The following PEX3 variants were observed in gnomAD, a reference collection of about 807,000 sequenced individuals.
PEX3 encodes peroxisomal biogenesis factor 3.
Under a neutral mutation model 55.8 loss-of-function variants are expected in PEX3, and 30 were observed. The ratio of observed to expected loss-of-function variants is 0.54; its 90% CI spans 0.40 to 0.73. PEX3 has a LOEUF of 0.73. PEX3 is among the 30% of genes least tolerant of loss of function. The pLI is 0.00. For missense variants in PEX3, 351 were observed against 432.8 expected (o/e 0.81, Z 1.68); for synonymous variants, 135 against 148.4 (o/e 0.91, Z 0.66).
In PEX3 at chr6:143,468,023, T is replaced by C. The variant is rs970348157; in HGVS notation, c.288-99T>C. 6 of 716,736 alleles carry C rather than the reference T, an allele frequency of 8.4e-6. No individual in the cohort carries two copies. The African/African-American group carries it at 9.0e-5, about 11-fold the overall frequency. 44.4% of individuals were successfully genotyped at this position (716,736 alleles called of 1,614,324 possible). ...TTCTGCAGTTATGCTGTGTTGCTTTTAATTTTTTTTAAAAAGTAAAAATAG... is the reference window on the plus strand; with the variant it reads ...TTCTGCAGTTATGCTGTGTTGCTTTCAATTTTTTTTAAAAAGTAAAAATAG... On this transcript the variant is annotated intron_variant, in intron 3 of 11. Coordinates refer to ENST00000367591, the MANE Select transcript of PEX3 (RefSeq NM_003630.3).
In PEX3 at chr6:143,462,825, C is replaced by G. The variant is rs1233912800; in HGVS notation, c.206-91C>G. ...CCTTCTGACTCTTGCTAGTTGCTAG[C>G]CCTATCATATAGCCTAAAACAATGC... On this transcript the variant is annotated intron_variant, in intron 2 of 11. Coordinates refer to ENST00000367591, the MANE Select transcript of PEX3 (RefSeq NM_003630.3). This position sits in a 1 kb window ranked among gnomAD's most constrained non-coding sequence, Gnocchi z 4.1. 4.4e-6 allele frequency: 4 copies of G among 903,578 alleles called. No individual in the cohort carries two copies. The highest frequency in any genetic ancestry group is 4.3e-4 in the Middle Eastern group (2 of 4,604). 56.0% of individuals were successfully genotyped at this position (903,578 alleles called of 1,614,324 possible).
In PEX3 at chr6:143,474,899, G is replaced by C. The variant is rs762662611; in HGVS notation, c.818+43G>C. 9.2e-6 allele frequency: 9 copies of C among 979,882 alleles called. No individual in the cohort carries two copies. In the Admixed American group the frequency reaches 1.5e-4, roughly 17 times the overall value. 60.7% of individuals were successfully genotyped at this position (979,882 alleles called of 1,614,324 possible). On this transcript the variant is annotated intron_variant, in intron 9 of 11. Coordinates refer to ENST00000367591, the MANE Select transcript of PEX3 (RefSeq NM_003630.3). The stretch of plus-strand genomic sequence containing the variant: ...AGCAGGAAAAATATGTGTGTATGTT[G>C]AATGTACTTGAGACTATTTTTTAGT...
intron 10 of PEX3, among the ~76,000 whole-genome samples, chr6:143,484,120 G>A (rs906165931): frequency 3.9e-5 from 6 of 152,122 alleles, no homozygotes; most frequent in Non-Finnish European, 8.8e-5. Context: ...TGAAATGTAT[G>A]AGATGTCATA....
chr6:143,481,668 C>CA (rs1359556658), intron 10 of PEX3, among the ~76,000 whole-genome samples: 2 of 151,954 alleles, frequency 1.3e-5, no homozygotes, highest in Non-Finnish European at 2.9e-5. Context: ...AATAAAACAA[C>CA]ATTTATTATG....
At position 143,453,741 on chromosome 6, in the gene PEX3, T is replaced by A. The variant is rs1779806841; in HGVS notation, c.73+2626T>A. Among the ~76,000 whole-genome samples the A allele has an allele frequency of 6.6e-6, 1 of 152,188 alleles. No individual in the cohort carries two copies. Among genetic ancestry groups the A allele is most frequent in the African/African-American group, 2.4e-5 (1 of 41,454 alleles). On this transcript the variant is annotated intron_variant, in intron 1 of 11. Transcript: ENST00000367591. The surrounding 1 kb of genome is among the most constrained non-coding windows in gnomAD (Gnocchi z 4.6). ...ACAGGTGTGCACCATCATGCTTGGCTAATTTTTAATTATTTTGTAGAGACA... is the reference window on the plus strand; with the variant it reads ...ACAGGTGTGCACCATCATGCTTGGCAAATTTTTAATTATTTTGTAGAGACA...
In PEX3 at chr6:143,462,404, C is replaced by G. The variant is rs751038381; in HGVS notation, c.206-512C>G. ...AAACTCAGCAACTCTTAGTTCCTAA[C>G]CCAGTGCACTTTTGTCTAGGTTATA... is the stretch of plus-strand genomic sequence containing the variant. On this transcript the variant is annotated intron_variant, in intron 2 of 11. Coordinates refer to ENST00000367591, the MANE Select transcript of PEX3 (RefSeq NM_003630.3). The surrounding 1 kb of genome is among the most constrained non-coding windows in gnomAD (Gnocchi z 4.1). Among the ~76,000 whole-genome samples the G allele has an allele frequency of 4.6e-5, 7 of 152,214 alleles. No individual in the cohort carries two copies. The highest frequency in any genetic ancestry group is 4.4e-5 in the Non-Finnish European group (3 of 68,016).
rs1017999441 is a variant in PEX3 at position 143,464,821 on chromosome 6, A to G, written c.287+1824A>G. ...CAATCTTATGACTGCTTTTATATTA[A>G]TTTTATATGAGACTCTGGTCTCATA... On this transcript the variant is annotated intron_variant, in intron 3 of 11. Coordinates refer to ENST00000367591, the MANE Select transcript of PEX3 (RefSeq NM_003630.3). The surrounding 1 kb of genome is among the most constrained non-coding windows in gnomAD (Gnocchi z 5.8). 1.3e-5 allele frequency among the ~76,000 whole-genome samples: 2 copies of G among 151,826 alleles called. No individual in the cohort carries two copies. Among genetic ancestry groups the G allele is most frequent in the Non-Finnish European group, 2.9e-5 (2 of 67,808 alleles).
rs1478399832 is a variant in PEX3, at chr6:143,487,039, G to A, written c.1038+1791G>A. On this transcript the variant is annotated intron_variant, in intron 11 of 11. Transcript: ENST00000367591. This position sits in a 1 kb window ranked among gnomAD's most constrained non-coding sequence, Gnocchi z 5.3. ...GTAGAAGATATTAGGATGGTAGTTG[G>A]TAAAGGTAGGAAATGGGAGAATCAG... is the stretch of plus-strand genomic sequence containing the variant. 6.6e-6 allele frequency among the ~76,000 whole-genome samples: 1 copy of A among 152,168 alleles called. No individual in the cohort carries two copies. Among genetic ancestry groups the A allele is most frequent in the Non-Finnish European group, 1.5e-5 (1 of 68,002 alleles).
In PEX3 at chr6:143,486,467, A is replaced by G. The variant is rs2128748135; in HGVS notation, c.1038+1219A>G. Among the ~76,000 whole-genome samples, 1 of 152,150 alleles carries G rather than the reference A, an allele frequency of 6.6e-6. No individual in the cohort carries two copies. Among genetic ancestry groups the G allele is most frequent in the East Asian group, 1.9e-4 (1 of 5,186 alleles). ...TCGATATAATTGATAATAAAAACAA[A>G]TGTTTCAATATGGTAAAAACGCCAT... On this transcript the variant is annotated intron_variant, in intron 11 of 11. Transcript: ENST00000367591. This position sits in a 1 kb window ranked among gnomAD's most constrained non-coding sequence, Gnocchi z 5.0.
At position 143,462,403 on chromosome 6, in the gene PEX3, AC is replaced by A. The variant is rs1779934424; in HGVS notation, c.206-510del. On this transcript the variant is annotated intron_variant, in intron 2 of 11. Transcript: ENST00000367591. The surrounding 1 kb of genome is among the most constrained non-coding windows in gnomAD (Gnocchi z 4.1). ...AAAACTCAGCAACTCTTAGTTCCTA[AC>A]CCAGTGCACTTTTGTCTAGGTTATA... Among the ~76,000 whole-genome samples the A allele has an allele frequency of 6.6e-6, 1 of 152,196 alleles. No individual in the cohort carries two copies. The highest frequency in any genetic ancestry group is 2.1e-4 in the South Asian group (1 of 4,826).
intron 2 of PEX3, among the ~76,000 whole-genome samples, chr6:143,461,525 T>C (rs1779919380): frequency 2.0e-5 from 3 of 152,010 alleles, no homozygotes; most frequent in Admixed American, 1.3e-4. Context: ...ATGATAATGG[T>C]GTTACAAATA....
intron 8 of PEX3, among the ~76,000 whole-genome samples, chr6:143,474,169 G>A (rs1780115873): frequency 6.6e-6 from 1 of 151,726 alleles, no homozygotes. Flanking sequence ...AAAAAAAAAG[G>A]CCGGGTGCGG....
In PEX3 at chr6:143,471,502, T is replaced by C. The variant is rs1469360562; in HGVS notation, c.523+53T>C. On this transcript the variant is annotated intron_variant, in intron 6 of 11. Transcript: ENST00000367591. This position sits in a 1 kb window ranked among gnomAD's most constrained non-coding sequence, Gnocchi z 5.4. Reference sequence around the variant, plus strand: ...CTAATTTTAATTCATTTATTTTTATTATTGAGGAATTTTTAAACTAAGCAA... The same window carrying C: ...CTAATTTTAATTCATTTATTTTTATCATTGAGGAATTTTTAAACTAAGCAA... 5 of 1,562,426 alleles carry C rather than the reference T, an allele frequency of 3.2e-6. No homozygotes were observed. The African/African-American group carries it at 5.4e-5, about 17-fold the overall frequency.
In PEX3 at chr6:143,464,742, T is replaced by C. The variant is rs1038010494; in HGVS notation, c.287+1745T>C. Among the ~76,000 whole-genome samples, 1 of 151,812 alleles carries C rather than the reference T, an allele frequency of 6.6e-6. No homozygotes were observed. The highest frequency in any genetic ancestry group is 1.5e-5 in the Non-Finnish European group (1 of 67,810). ...AGAAGGGTAATATCCATTTGAAAAA[T>C]ATTTGCATAAATAAGGGCTTGATCC... On this transcript the variant is annotated intron_variant, in intron 3 of 11. Coordinates refer to ENST00000367591, the MANE Select transcript of PEX3 (RefSeq NM_003630.3). This position sits in a 1 kb window ranked among gnomAD's most constrained non-coding sequence, Gnocchi z 5.8.
intron 1 of PEX3, among the ~76,000 whole-genome samples, chr6:143,455,406 G>A (rs1427547645): frequency 2.5e-5 from 3 of 121,928 alleles, no homozygotes; most frequent in Non-Finnish European, 4.9e-5. Flanking sequence ...TAGTAGAGAC[G>A]GGGTTTCACC....
chr6:143,480,641 C>G (rs112064850), intron 10 of PEX3, among the ~76,000 whole-genome samples: 2 of 152,170 alleles, frequency 1.3e-5, no homozygotes, highest in Non-Finnish European at 2.9e-5. Flanking sequence ...ACTTCATGCT[C>G]CATGATTGAA....
chr6:143,484,904 G>T (rs1445052458), intron 10 of PEX3: 9 of 462,780 alleles, frequency 1.9e-5, no homozygotes, highest in Non-Finnish European at 3.5e-5. Context: ...AAAACAGTGT[G>T]CTTAGGAGGT....
chr6:143,481,961 C>CT (rs1491386474), intron 10 of PEX3, among the ~76,000 whole-genome samples: 9 of 151,390 alleles, frequency 5.9e-5, no homozygotes, highest in Non-Finnish European at 1.0e-4. Context: ...GAATAAGACC[C>CT]TGTCTCTTAA....
In PEX3 at chr6:143,471,905, A is replaced by G. The variant is rs1269687787; in HGVS notation, c.579-255A>G. ...TTTAAAATCTGCCTCTGAGGCTTTT[A>G]CCTCCCATTTATACTAGTAATATCT... On this transcript the variant is annotated intron_variant, in intron 7 of 11. Transcript: ENST00000367591. The surrounding 1 kb of genome is among the most constrained non-coding windows in gnomAD (Gnocchi z 5.4). Among the ~76,000 whole-genome samples the G allele has an allele frequency of 2.0e-5, 3 of 152,104 alleles. No homozygotes were observed. The highest frequency in any genetic ancestry group is 7.2e-5 in the African/African-American group (3 of 41,410).
Sources: allele counts gnomAD v4.1 joint callset (sites outside exome capture counted in the v4.1 genomes callset), GRCh38; gene constraint gnomAD v4.1.1; non-coding constraint Gnocchi (gnomAD v3.1); transcripts MANE v1.5; gene names NCBI Gene and HGNC (gene_info 2026-07-23, HGNC 2026-07-21).